SCUBE3: variants seen among roughly 807,000 people sequenced by gnomAD.
SCUBE3 encodes signal peptide, CUB domain and EGF like domain containing 3.
SCUBE3 carries 33 observed loss-of-function variants against 116.8 expected under a neutral mutation model. The ratio of observed to expected loss-of-function variants is 0.28; its 90% CI spans 0.21 to 0.38. The LOEUF (loss-of-function observed/expected upper bound fraction) is 0.38, where lower values mean the gene tolerates loss of function less well. SCUBE3 is among the 10% of genes least tolerant of loss of function. The probability of loss-of-function intolerance (pLI) is 1.00; values close to 1 mark genes in which losing one functional copy is unlikely to be tolerated. For synonymous variants in SCUBE3, 418 were observed against 496.9 expected (o/e 0.84, Z 2.11); for missense variants, 1,007 against 1,324.8 (o/e 0.76, Z 3.72).
chr6:35,221,591 C>A (rs1405625452), intron 1 of SCUBE3: 3 of 152,230 alleles, frequency 2.0e-5, no homozygotes, highest in Non-Finnish European at 4.4e-5. Context: ...CTCTGGTTCA[C>A]TGCCAAATCC....
intron 3 of SCUBE3, among the ~76,000 whole-genome samples, chr6:35,229,846 A>AGGC (rs1289786431): frequency 1.3e-5 from 2 of 152,234 alleles, no homozygotes; most frequent in Non-Finnish European, 2.9e-5. Context: ...CTGTAGCCAC[A>AGGC]ACAGAAAACA....
In SCUBE3 at chr6:35,243,872, G is replaced by A; in HGVS notation, c.2072-91G>A. On this transcript the variant is annotated intron_variant, in intron 16 of 21. Transcript: ENST00000274938. The surrounding 1 kb of genome is among the most constrained non-coding windows in gnomAD (Gnocchi z 6.6). ...AGGCCACTCTCTTAGTCAACATCCTGTTTGTATACCTTTGTCCCCTGAGAT... is the reference window on the plus strand; with the variant it reads ...AGGCCACTCTCTTAGTCAACATCCTATTTGTATACCTTTGTCCCCTGAGAT... 3 of 1,535,202 alleles carry A rather than the reference G, an allele frequency of 2.0e-6. No homozygotes were observed. The highest frequency in any genetic ancestry group is 2.7e-6 in the Non-Finnish European group (3 of 1,121,944).
intron 6 of SCUBE3, among the ~76,000 whole-genome samples, chr6:35,234,325 A>G (rs1030953647): frequency 6.6e-6 from 1 of 152,222 alleles, no homozygotes; most frequent in East Asian, 1.9e-4. Flanking sequence ...GTCACTGTGT[A>G]TGAAGTTATG....
Position 35,243,796 on chromosome 6 carries a change from C to T in SCUBE3, c.2071+41C>T. On this transcript the variant is annotated intron_variant, in intron 16 of 21. Transcript: ENST00000274938. The surrounding 1 kb of genome is among the most constrained non-coding windows in gnomAD (Gnocchi z 6.6). ...ACAATACAGAGTGGGGTAGGGTGGGCACTGGGATGCCCATGGGCATGGGAT... is the reference window on the plus strand; with the variant it reads ...ACAATACAGAGTGGGGTAGGGTGGGTACTGGGATGCCCATGGGCATGGGAT... The T allele has an allele frequency of 1.3e-6, 2 of 1,593,922 alleles. No homozygotes were observed. Among genetic ancestry groups the T allele is most frequent in the Non-Finnish European group, 1.7e-6 (2 of 1,164,116 alleles).
At position 35,244,096 on chromosome 6, in the gene SCUBE3, A is replaced by T. The variant is rs1393488372; in HGVS notation, c.2205A>T (p.Glu735Asp). 1 of 1,614,018 alleles carries T rather than the reference A, an allele frequency of 6.2e-7. No individual in the cohort carries two copies. The highest frequency in any genetic ancestry group is 8.5e-7 in the Non-Finnish European group (1 of 1,179,964). The change falls in exon 17 of 22, where the codon GAA (glutamate) becomes GAT (aspartate). Residue 735 changes from glutamate to aspartate, a missense_variant. Transcript: ENST00000274938. This position sits in a 1 kb window ranked among gnomAD's most constrained non-coding sequence, Gnocchi z 4.3. ...PCGGGLTTKH[E>D]GAISFQDCDT... ...GTGGGGGCCTCACCACCAAGCATGA[A>T]GGGGCCATTTCCTTCCAAGACTGTG...
At chr6:35,218,106 T>C (rs1782995268) in intron 1 of SCUBE3, 3 of 984,386 alleles carry the variant, frequency 3.0e-6, no homozygotes, top group African/African-American at 1.7e-5. Flanking sequence ...TCAAATGAGA[T>C]TGTTTTTTGA....
In SCUBE3 at chr6:35,235,333, G is replaced by A. The variant is rs1783722273; in HGVS notation, c.712+2032G>A. On this transcript the variant is annotated intron_variant, in intron 6 of 21. Coordinates refer to ENST00000274938, the MANE Select transcript of SCUBE3 (RefSeq NM_152753.4). The surrounding 1 kb of genome is among the most constrained non-coding windows in gnomAD (Gnocchi z 4.5). ...AAGGGTCCCAGGGCTCATCATTTGGGGCTACTGGTTTGGGCTGGCAGTGGG... is the reference window on the plus strand; with the variant it reads ...AAGGGTCCCAGGGCTCATCATTTGGAGCTACTGGTTTGGGCTGGCAGTGGG... The A allele has an allele frequency of 2.2e-6, 1 of 444,960 alleles. No individual in the cohort carries two copies. Among genetic ancestry groups the A allele is most frequent in the Non-Finnish European group, 4.4e-6 (1 of 225,316 alleles). The allele number at this position is 444,960 out of a possible 1,614,324, so 27.6% of individuals were successfully genotyped here.
In SCUBE3 at chr6:35,233,890, C is replaced by G. The variant is rs1240020274; in HGVS notation, c.712+589C>G. Among the ~76,000 whole-genome samples the G allele has an allele frequency of 1.3e-5, 2 of 152,090 alleles. No individual in the cohort carries two copies. Among genetic ancestry groups the G allele is most frequent in the African/African-American group, 2.4e-5 (1 of 41,396 alleles). On this transcript the variant is annotated intron_variant, in intron 6 of 21. Transcript: ENST00000274938. This position sits in a 1 kb window ranked among gnomAD's most constrained non-coding sequence, Gnocchi z 5.7. ...CCTTTCTACTCACCTCACCTTACCC[C>G]CCATTTCCTTCTCTCTCCTCCAGAT...
chr6:35,243,104 C>G lies in SCUBE3; in HGVS notation c.1777C>G (p.Gln593Glu). The change falls in exon 15 of 22, where the codon CAG becomes GAG. Residue 593 changes from glutamine to glutamate, a missense_variant. Around this residue, in one of 5 missense-constraint regions of SCUBE3, gnomAD observed 544 missense variants for 638.9 expected, o/e 0.85. Transcript: ENST00000274938. This position sits in a 1 kb window ranked among gnomAD's most constrained non-coding sequence, Gnocchi z 6.6. ...SLKMLRKSINQDRFLLRLAGL... is the reference protein window; with the variant it reads ...SLKMLRKSINEDRFLLRLAGL... ...GAAGATGCTCAGAAAGTCCATCAAC[C>G]AGGACCGCTTCCTGCTGCGCCTGGC... 1 of 1,614,196 alleles carries G rather than the reference C, an allele frequency of 6.2e-7. No homozygotes were observed. Among genetic ancestry groups the G allele is most frequent in the Admixed American group, 1.7e-5 (1 of 60,034 alleles).
chr6:35,236,925 A>G (rs1783799453), intron 6 of SCUBE3, among the ~76,000 whole-genome samples: 1 of 152,094 alleles, frequency 6.6e-6, no homozygotes, highest in African/African-American at 2.4e-5. Flanking sequence ...GACACATCTG[A>G]CTTTCCCAAG....
rs1784165659 is a variant in SCUBE3 at position 35,243,360 on chromosome 6, C to A, written c.1909+124C>A. ...ATGAGGCAGCCAGGATGCTCCTGCCCGCTGTCCTCCCTTCCTTGGTTCCAG... is the reference window on the plus strand; with the variant it reads ...ATGAGGCAGCCAGGATGCTCCTGCCAGCTGTCCTCCCTTCCTTGGTTCCAG... On this transcript the variant is annotated intron_variant, in intron 15 of 21. Coordinates refer to ENST00000274938, the MANE Select transcript of SCUBE3 (RefSeq NM_152753.4). The surrounding 1 kb of genome is among the most constrained non-coding windows in gnomAD (Gnocchi z 6.6). 2 of 907,450 alleles carry A rather than the reference C, an allele frequency of 2.2e-6. No homozygotes were observed. Among genetic ancestry groups the A allele is most frequent in the African/African-American group, 1.6e-5 (1 of 60,928 alleles). 56.2% of individuals were successfully genotyped at this position (907,450 alleles called of 1,614,324 possible).
intron 1 of SCUBE3, among the ~76,000 whole-genome samples, chr6:35,217,304 G>C (rs1038744375): frequency 2.0e-4 from 27 of 137,848 alleles, no homozygotes; most frequent in African/African-American, 7.2e-4. Context: ...TCCTCGCATA[G>C]GGCTCAGGTT....
intron 1 of SCUBE3, among the ~76,000 whole-genome samples, chr6:35,218,584 C>T (rs1380401341): frequency 6.6e-6 from 1 of 152,232 alleles, no homozygotes; most frequent in African/African-American, 2.4e-5. Flanking sequence ...TGCTCTGAGG[C>T]TGGCAGTGCC....
chr6:35,242,486 C>T, intron 13 of SCUBE3, 136 bp from the exon 14 acceptor site: 1 of 938,488 alleles, frequency 1.1e-6, no homozygotes, highest in Non-Finnish European at 1.7e-6. Context: ...ATATTCCCCT[C>T]CACCAACTAA....
chr6:35,221,645 A>T (rs776215756), intron 1 of SCUBE3: 5 of 110,220 alleles, frequency 4.5e-5, no homozygotes, highest in Non-Finnish European at 8.8e-5. Context: ...GTGCTCAATA[A>T]CTATTGAGTG....
rs545111841 is a variant in SCUBE3 at position 35,244,323 on chromosome 6, A to G, written c.2239+193A>G. On this transcript the variant is annotated intron_variant, in intron 17 of 21. Coordinates refer to ENST00000274938, the MANE Select transcript of SCUBE3 (RefSeq NM_152753.4). This position sits in a 1 kb window ranked among gnomAD's most constrained non-coding sequence, Gnocchi z 4.3. The stretch of plus-strand genomic sequence containing the variant: ...CCACTAGTCCCAAGCTTGGGAACTG[A>G]GAAATAATTAACAGTCCCACTTACC... Among the ~76,000 whole-genome samples the G allele has an allele frequency of 4.6e-5, 7 of 152,286 alleles. No individual in the cohort carries two copies. Among genetic ancestry groups the G allele is most frequent in the Admixed American group, 3.9e-4 (6 of 15,298 alleles).
In SCUBE3 at chr6:35,244,029, C is replaced by G. The variant is rs1304932964; in HGVS notation, c.2138C>G (p.Thr713Ser). 6.8e-6 allele frequency: 11 copies of G among 1,614,034 alleles called. No homozygotes were observed. The highest frequency in any genetic ancestry group is 9.3e-6 in the Non-Finnish European group (11 of 1,180,002). Residue 713 changes from threonine to serine, a missense_variant, in exon 17 of 22, where the codon ACC (threonine) becomes AGC (serine). Physicochemically the swap from Thr to Ser is moderately conservative, Grantham distance 58 (BLOSUM62 1). Coordinates refer to ENST00000274938, the MANE Select transcript of SCUBE3 (RefSeq NM_152753.4). This position sits in a 1 kb window ranked among gnomAD's most constrained non-coding sequence, Gnocchi z 4.3. ...FKPCQPCPRG[T>S]YQPEAGRTLC... ...CCCTGTCAGCCATGCCCACGTGGCA[C>G]CTACCAACCTGAAGCAGGACGGACC... is the stretch of plus-strand genomic sequence containing the variant.
intron 13 of SCUBE3, 87 bp from the exon 14 acceptor site, chr6:35,242,533 TAC>T: frequency 1.6e-6 from 2 of 1,217,664 alleles, no homozygotes; most frequent in Non-Finnish European, 2.4e-6. Flanking sequence ...GAGAGATAGT[TAC>T]AGTTAGAGAT....
At position 35,214,085 on chromosome 6, in the gene SCUBE3, T is replaced by C. The variant is rs1782784995; in HGVS notation, c.-334T>C. Among the ~76,000 whole-genome samples, 1 of 152,078 alleles carries C rather than the reference T, an allele frequency of 6.6e-6. No homozygotes were observed. The highest frequency in any genetic ancestry group is 2.4e-5 in the African/African-American group (1 of 41,432). On this transcript the variant is annotated 5_prime_UTR_variant, in exon 1 of 22. Coordinates refer to ENST00000274938, the MANE Select transcript of SCUBE3 (RefSeq NM_152753.4). This position sits in a 1 kb window ranked among gnomAD's most constrained non-coding sequence, Gnocchi z 6.3. ...AGCTCTCTCCCGGCGAAGCTGGGAA[T>C]TGGGTGGGATTACACGGAGCAGCCC...
Sources: allele counts gnomAD v4.1 joint callset (sites outside exome capture counted in the v4.1 genomes callset), GRCh38; gene constraint gnomAD v4.1.1; regional missense constraint gnomAD v4.1.1; non-coding constraint Gnocchi (gnomAD v3.1); transcripts MANE v1.5; gene names NCBI Gene and HGNC (gene_info 2026-07-23, HGNC 2026-07-21).